The following PTPRD variants were observed in gnomAD, a reference collection of about 807,000 sequenced individuals.
PTPRD encodes the protein receptor-type tyrosine-protein phosphatase delta.
A neutral mutation model predicts 214.5 loss-of-function variants in PTPRD; 34 were observed. That is an observed-to-expected ratio of 0.16 (90% CI 0.12 to 0.21). The LOEUF is 0.21. PTPRD is among the 10% of genes least tolerant of loss of function. The pLI is 1.00. For synonymous variants in PTPRD, 1,128 were observed against 845.7 expected, an observed-to-expected ratio of 1.33 and a Z score of -5.79; for missense variants, 2,545 against 2,398.7, an observed-to-expected ratio of 1.06 and a Z score of -1.27.
chr9:8,800,688 G>A (rs1233335530), intron 11 of PTPRD, among the ~76,000 whole-genome samples: 1 of 152,170 alleles, frequency 6.6e-6, no homozygotes, highest in Non-Finnish European at 1.5e-5. Context: ...CAGCCTCGGG[G>A]CTGCTCTGTC....
At chr9:9,084,383 C>T (rs1166073691) in intron 10 of PTPRD, among the ~76,000 whole-genome samples, 1 of 152,024 alleles carries the variant, frequency 6.6e-6, no homozygotes, top group East Asian at 1.9e-4. Flanking sequence ...AGGGGAACAT[C>T]ACACACACCA....
intron 8 of PTPRD, among the ~76,000 whole-genome samples, chr9:9,483,647 C>G (rs1589569426): frequency 6.6e-6 from 1 of 152,024 alleles, no homozygotes; most frequent in African/African-American, 2.4e-5. Flanking sequence ...AGAATCCTCA[C>G]TAGGTAGCAC....
chr9:9,458,162 A>T (rs1055812196), intron 8 of PTPRD, among the ~76,000 whole-genome samples: 1 of 151,920 alleles, frequency 6.6e-6, no homozygotes, highest in South Asian at 2.1e-4. Context: ...AGTTCCTTTA[A>T]ATTACACTCT....
chr9:9,944,514 G>T (rs189957108), intron 4 of PTPRD, among the ~76,000 whole-genome samples: 9 of 152,088 alleles, frequency 5.9e-5, no homozygotes, highest in African/African-American at 1.9e-4. Context: ...TTAATAAAAA[G>T]ATTTTTTTAA....
chr9:8,917,016 TTC>T (rs1314770748), intron 11 of PTPRD, among the ~76,000 whole-genome samples: 3 of 151,854 alleles, frequency 2.0e-5, no homozygotes, highest in Non-Finnish European at 4.4e-5. Flanking sequence ...TGCCTCTCTT[TTC>T]TCTCTGCACA....
chr9:8,726,474 A>AT (rs1351826099), intron 12 of PTPRD, among the ~76,000 whole-genome samples: 1 of 147,920 alleles, frequency 6.8e-6, no homozygotes, highest in Non-Finnish European at 1.5e-5. Context: ...GCTAACGCCT[A>AT]TAATTCCAGC....
intron 8 of PTPRD, among the ~76,000 whole-genome samples, chr9:9,527,097 T>A (rs556784471): frequency 6.6e-6 from 1 of 152,218 alleles, no homozygotes; most frequent in African/African-American, 2.4e-5. Context: ...TCAAATTCAA[T>A]CATTTTATAT....
At chr9:8,561,560 G>C (rs1336486554) in intron 14 of PTPRD, among the ~76,000 whole-genome samples, 1 of 152,156 alleles carries the variant, frequency 6.6e-6, no homozygotes. Context: ...GACTCAGCGG[G>C]CTGACTGCCT....
At chr9:10,101,758 G>A (rs765193192) in intron 3 of PTPRD, among the ~76,000 whole-genome samples, 1 of 151,680 alleles carries the variant, frequency 6.6e-6, no homozygotes, top group Non-Finnish European at 1.5e-5. Flanking sequence ...GACCTCAACT[G>A]TACTCAGTAA....
At chr9:9,984,529 C>T (rs570481138) in intron 4 of PTPRD, among the ~76,000 whole-genome samples, 1 of 152,136 alleles carries the variant, frequency 6.6e-6, no homozygotes, top group South Asian at 2.1e-4. Context: ...CGCAGGTGAG[C>T]CACAACTGGT....
Position 8,317,691 on chromosome 9 carries a change from A to AAAC in PTPRD, c.*180_*182dup, listed in dbSNP as rs1822903710. On this transcript the variant is annotated 3_prime_UTR_variant, in exon 46 of 46. Transcript: ENST00000381196. ...TCATTATTTTTCAGGTTAGATTATT[A>AAAC]AACTGTGAATTCTTGGTCCACCTGG... 2.0e-6 allele frequency: 1 copy of AAAC among 499,570 alleles called. No homozygotes were observed. Among genetic ancestry groups the AAAC allele is most frequent in the African/African-American group, 1.9e-5 (1 of 52,750 alleles). 30.9% of individuals were successfully genotyped at this position (499,570 alleles called of 1,614,324 possible). A position where few individuals can be genotyped will look rare whatever the true frequency, so the allele number is the denominator to read the frequency against.
chr9:8,536,167 T>C lies in PTPRD; in HGVS notation c.353-7388A>G, dbSNP rs113678122. 2.7e-3 allele frequency among the ~76,000 whole-genome samples: 417 copies of C among 152,094 alleles called. 4 individuals are homozygous for C. Among genetic ancestry groups the C allele is most frequent in the African/African-American group, 9.1e-3 (379 of 41,544 alleles). Reference sequence around the variant, plus strand: ...GTCTTTCAGCTCTAGATTTGGTGTCTTTTTATTGTGTCATGTTTCCTCTAT... The same window carrying C: ...GTCTTTCAGCTCTAGATTTGGTGTCCTTTTATTGTGTCATGTTTCCTCTAT... On this transcript the variant is annotated intron_variant, in intron 14 of 45. Coordinates refer to ENST00000381196, the MANE Select transcript of PTPRD (RefSeq NM_002839.4).
chr9:10,425,435 T>C (rs1787326781), intron 2 of PTPRD, among the ~76,000 whole-genome samples: 1 of 151,960 alleles, frequency 6.6e-6, no homozygotes, highest in African/African-American at 2.4e-5. Flanking sequence ...GCAACCTTTC[T>C]CTCTATCTCT....
At chr9:9,849,627 T>G (rs186734977) in intron 5 of PTPRD, among the ~76,000 whole-genome samples, 38 of 151,954 alleles carry the variant, frequency 2.5e-4, no homozygotes, top group African/African-American at 9.0e-4. Context: ...AGAAGCACAT[T>G]TATGTAAGGT....
rs939079220 is a variant in PTPRD, at chr9:9,422,145, C to A, written c.-236-24663G>T. Among the ~76,000 whole-genome samples the A allele has an allele frequency of 3.3e-5, 5 of 151,966 alleles. No homozygotes were observed. The East Asian group carries it at 9.7e-4, about 29-fold the overall frequency. ...ACTACACTAAGAGCTTTGTATGCAT[C>A]GCTTTGTTCACTATTCACAAATATG... On this transcript the variant is annotated intron_variant, in intron 8 of 45. Transcript: ENST00000381196.
In PTPRD at chr9:9,800,360, C is replaced by G. The variant is rs2099031090; in HGVS notation, c.-367-33509G>C. Among the ~76,000 whole-genome samples, 3 of 152,132 alleles carry G rather than the reference C, an allele frequency of 2.0e-5. No homozygotes were observed. In the South Asian group the frequency reaches 6.2e-4, roughly 32 times the overall value. ...AAAAAAATAAAATATTTAAGATATT[C>G]CCCAGTTTTGCAAAAATCTGTATTT... On this transcript the variant is annotated intron_variant, in intron 5 of 45. Transcript: ENST00000381196.
At chr9:9,658,578 G>T (rs993075688) in intron 7 of PTPRD, among the ~76,000 whole-genome samples, 2 of 152,232 alleles carry the variant, frequency 1.3e-5, no homozygotes, top group East Asian at 3.9e-4. Flanking sequence ...GATCACTTGT[G>T]AGATCCCTTC....
At chr9:10,349,442 C>T (rs540267595) in intron 2 of PTPRD, among the ~76,000 whole-genome samples, 1 of 152,226 alleles carries the variant, frequency 6.6e-6, no homozygotes, top group East Asian at 1.9e-4. Context: ...CCTATGTTCC[C>T]ATCTGTCATA....
intron 2 of PTPRD, among the ~76,000 whole-genome samples, chr9:10,539,544 T>C (rs2058633415): frequency 6.6e-6 from 1 of 152,124 alleles, no homozygotes. Flanking sequence ...CTGACAGCTT[T>C]CAAATCCCAA....
Sources: gnomAD v4.1 joint callset for allele counts (sites outside exome capture counted in the v4.1 genomes callset) on GRCh38, gnomAD v4.1.1 for gene constraint, MANE v1.5 for transcripts, NCBI Gene and HGNC (gene_info 2026-07-23, HGNC 2026-07-21) for gene names.